The following SOS2 variants were observed in gnomAD, a reference collection of about 807,000 sequenced individuals.
The protein encoded by SOS2 is son of sevenless homolog 2.
A neutral mutation model predicts 148.2 loss-of-function variants in SOS2; 65 were observed. That is an observed-to-expected ratio of 0.44 (90% CI 0.36 to 0.54). The LOEUF (loss-of-function observed/expected upper bound fraction) is 0.54. Ranked by LOEUF, SOS2 falls within the 20% of genes least tolerant of loss-of-function variation. The pLI is 0.00. For missense variants in SOS2, 1,341 were observed against 1,590.2 expected, an observed-to-expected ratio of 0.84 and a Z score of 2.67; for synonymous variants, 539 against 537.1, an observed-to-expected ratio of 1.00 and a Z score of -0.05.
chr14:50,172,618 C>A (rs568440656), intron 8 of SOS2, among the ~76,000 whole-genome samples: 1 of 151,848 alleles, frequency 6.6e-6, no homozygotes, highest in Non-Finnish European at 1.5e-5. Context: ...TTCCCTCCCC[C>A]TTGGACTCCT....
At position 50,215,089 on chromosome 14, in the gene SOS2, T is replaced by C. The variant is rs374813723; in HGVS notation, c.88-10680A>G. 5.3e-5 allele frequency among the ~76,000 whole-genome samples: 8 copies of C among 151,530 alleles called. No individual in the cohort carries two copies. In the East Asian group the frequency reaches 9.7e-4, roughly 18 times the overall value. On this transcript the variant is annotated intron_variant, in intron 1 of 22. Transcript: ENST00000216373. ...CTGACCTCGTGATCTGCCCGCCTCGTCCTCCCAAAGTGCTGGGATTACAGG... is the reference window on the plus strand; with the variant it reads ...CTGACCTCGTGATCTGCCCGCCTCGCCCTCCCAAAGTGCTGGGATTACAGG...
chr14:50,148,401 C>T (rs1220580395), intron 14 of SOS2, among the ~76,000 whole-genome samples: 2 of 91,776 alleles, frequency 2.2e-5, no homozygotes, highest in Non-Finnish European at 4.3e-5. Context: ...CAGAGCAAGA[C>T]ACCATCTCAA....
At chr14:50,214,986 C>A (rs1046266592) in intron 1 of SOS2, among the ~76,000 whole-genome samples, 1 of 151,638 alleles carries the variant, frequency 6.6e-6, no homozygotes, top group Non-Finnish European at 1.5e-5. Flanking sequence ...TAGGTGCCCA[C>A]GGCCATGCCC....
chr14:50,120,507 C>T, intron 21 of SOS2, 123 bp from the exon 22 acceptor site: 1 of 618,304 alleles, frequency 1.6e-6, no homozygotes. Flanking sequence ...GTTTATCTAT[C>T]TTCCCCCATT....
rs73281499 is a variant in SOS2, at chr14:50,146,725, T to C, written c.2385-1129A>G. Among the ~76,000 whole-genome samples, 703 of 152,210 alleles carry C rather than the reference T, an allele frequency of 4.6e-3. 6 individuals are homozygous for C. The highest frequency in any genetic ancestry group is 0.016 in the African/African-American group (662 of 41,520). On this transcript the variant is annotated intron_variant, in intron 14 of 22. Coordinates refer to ENST00000216373, the MANE Select transcript of SOS2 (RefSeq NM_006939.4). ...GTGAAGCATTATTTGCAAGAGTGAA[T>C]AGAGGCTCATCATCCAGAGACTGGA...
intron 1 of SOS2, among the ~76,000 whole-genome samples, chr14:50,216,395 C>A (rs1887041301): frequency 6.6e-6 from 1 of 151,808 alleles, no homozygotes; most frequent in Non-Finnish European, 1.5e-5. Flanking sequence ...CGACACCCAG[C>A]CCATTATGAA....
At chr14:50,133,242 CTTTTTTCTTTT>C (rs1177388616) in intron 19 of SOS2, among the ~76,000 whole-genome samples, 3 of 78,816 alleles carry the variant, frequency 3.8e-5, no homozygotes, top group East Asian at 4.6e-4. Context: ...TTTCTTTTTT[CTTTTTTCTTTT>C]TTTTTTTTTT....
chr14:50,125,570 T>C (rs927603229), intron 21 of SOS2, among the ~76,000 whole-genome samples: 2 of 146,762 alleles, frequency 1.4e-5, no homozygotes, highest in Non-Finnish European at 3.0e-5. Context: ...TGAAGGTAGA[T>C]TATAATGTAT....
At chr14:50,153,662 G>C (rs952275475) in intron 12 of SOS2, among the ~76,000 whole-genome samples, 1 of 152,100 alleles carries the variant, frequency 6.6e-6, no homozygotes, top group Non-Finnish European at 1.5e-5. Flanking sequence ...GCCCAGGCTG[G>C]AGTGCAATGG....
At chr14:50,121,204 A>G (rs59466182) in intron 21 of SOS2, among the ~76,000 whole-genome samples, 29,207 of 152,126 alleles carry the variant, frequency 0.19, 2,977 homozygotes, top group East Asian at 0.45. Flanking sequence ...GGAAATTTAC[A>G]AAATGATAAA....
intron 8 of SOS2, among the ~76,000 whole-genome samples, chr14:50,168,485 G>A (rs1885238898): frequency 6.6e-6 from 1 of 152,128 alleles, no homozygotes; most frequent in Non-Finnish European, 1.5e-5. Flanking sequence ...GCCTCCCAAA[G>A]TGCTGGGATT....
Position 50,153,095 on chromosome 14 carries a change from T to C in SOS2, c.2136A>G (p.Leu712=), listed in dbSNP as rs760941308. 1.3e-6 allele frequency: 2 copies of C among 1,586,798 alleles called. No individual in the cohort carries two copies. Among genetic ancestry groups the C allele is most frequent in the Non-Finnish European group, 1.7e-6 (2 of 1,156,900 alleles). The change falls in exon 13 of 23, where the codon CTA becomes CTG. Residue 712 remains leucine, a synonymous_variant. Transcript: ENST00000216373. ...CTCTTACACTTGAAATGAAGGATTCTAGTCTTTCAAGCAATTCCAAGTCTC... is the reference window on the plus strand; with the variant it reads ...CTCTTACACTTGAAATGAAGGATTCCAGTCTTTCAAGCAATTCCAAGTCTC... ...FERDLELLER[L]ESFISSVRGK... is the part of the protein sequence containing the mutation.
chr14:50,229,571 G>C (rs1465216071), intron 1 of SOS2, among the ~76,000 whole-genome samples: 1 of 151,796 alleles, frequency 6.6e-6, no homozygotes, highest in Non-Finnish European at 1.5e-5. Flanking sequence ...CAGTTTGGAA[G>C]GCAGAGGTGG....
intron 1 of SOS2, among the ~76,000 whole-genome samples, chr14:50,211,116 G>A (rs901565129): frequency 3.9e-5 from 6 of 152,020 alleles, no homozygotes; most frequent in Admixed American, 2.0e-4. Context: ...AGCCTCATGT[G>A]GGTACTGAAC....
intron 7 of SOS2, among the ~76,000 whole-genome samples, chr14:50,176,339 A>T (rs1885522243): frequency 6.6e-6 from 1 of 152,230 alleles, no homozygotes; most frequent in South Asian, 2.1e-4. Flanking sequence ...GAGCAGCCTG[A>T]ATAGACTAAG....
At chr14:50,199,631 T>C in intron 4 of SOS2, 60 bp downstream of exon 4, 2 of 989,680 alleles carry the variant, frequency 2.0e-6, no homozygotes, top group Non-Finnish European at 3.0e-6. Context: ...ACAAAAAGAT[T>C]GAGGCAGAAA....
Position 50,173,277 on chromosome 14 carries a change from A to C in SOS2, c.1068+1177T>G, listed in dbSNP as rs147168872. 5.5e-3 allele frequency among the ~76,000 whole-genome samples: 832 copies of C among 152,318 alleles called. 39 individuals are homozygous for C. The highest frequency in any genetic ancestry group is 0.048 in the Admixed American group (737 of 15,296). ...TAATCCATGGTAGTAACATTAAAAT[A>C]AAAGCCATAATAATTCTATGTATAC... On this transcript the variant is annotated intron_variant, in intron 8 of 22. Coordinates refer to ENST00000216373, the MANE Select transcript of SOS2 (RefSeq NM_006939.4).
intron 21 of SOS2, among the ~76,000 whole-genome samples, chr14:50,126,609 G>T (rs576604351): frequency 1.3e-5 from 2 of 152,110 alleles, no homozygotes; most frequent in South Asian, 4.2e-4. Flanking sequence ...TAACTGAAAA[G>T]AATTCTTAGA....
At position 50,117,927 on chromosome 14, in the gene SOS2, T is replaced by A. The variant is rs1883342955; in HGVS notation, c.*417A>T. 1 of 155,122 alleles carries A rather than the reference T, an allele frequency of 6.4e-6. No individual in the cohort carries two copies. 9.6% of individuals were successfully genotyped at this position (155,122 alleles called of 1,614,324 possible). ...AAAAACTAGAAGATGGTCAAAGAGG[T>A]TTAAAAATCAGTAACACCATATACC... On this transcript the variant is annotated 3_prime_UTR_variant, in exon 23 of 23. Transcript: ENST00000216373.
Sources: allele counts gnomAD v4.1 joint callset (sites outside exome capture counted in the v4.1 genomes callset), GRCh38; gene constraint gnomAD v4.1.1; transcripts MANE v1.5; gene names NCBI Gene and HGNC (gene_info 2026-07-23, HGNC 2026-07-21).